The following MAP2 variants were observed in gnomAD, a reference collection of about 807,000 sequenced individuals.
MAP2 encodes the protein microtubule associated protein 2, also known as microtubule-associated protein 2.
MAP2 carries 14 observed loss-of-function variants against 137.6 expected under a neutral mutation model. That is an observed-to-expected ratio of 0.10 (90% CI 0.07 to 0.16). MAP2 has a LOEUF of 0.16. Ranked by LOEUF, MAP2 falls within the 10% of genes least tolerant of loss-of-function variation. MAP2 has a pLI of 1.00. For synonymous variants in MAP2, 786 were observed against 782.3 expected, an observed-to-expected ratio of 1.00 and a Z score of -0.08; for missense variants, 2,088 against 2,191.5, an observed-to-expected ratio of 0.95 and a Z score of 0.94.
At chr2:209,613,753 A>G (rs2087913586) in intron 3 of MAP2, among the ~76,000 whole-genome samples, 2 of 152,148 alleles carry the variant, frequency 1.3e-5, no homozygotes, top group African/African-American at 4.8e-5. Context: ...ACATAGCTCT[A>G]AAAAACATTC....
chr2:209,700,214 A>G, intron 10 of MAP2, 63 bp from the exon 11 acceptor site: 3 of 1,376,628 alleles, frequency 2.2e-6, no homozygotes, highest in East Asian at 2.3e-5. Context: ...ACAGGTATTT[A>G]AAACTGCATT....
At chr2:209,678,987 C>A (rs3738935) in intron 6 of MAP2, among the ~76,000 whole-genome samples, 31,882 of 151,872 alleles carry the variant, frequency 0.21, 5,149 homozygotes, top group African/African-American at 0.45. Flanking sequence ...AAGCCAATGC[C>A]TTATTTCATG....
intron 2 of MAP2, among the ~76,000 whole-genome samples, chr2:209,510,307 A>G (rs2061574539): frequency 6.6e-6 from 1 of 152,030 alleles, no homozygotes; most frequent in Non-Finnish European, 1.5e-5. Context: ...GCTCTGTGAT[A>G]TACTATCCTA....
intron 2 of MAP2, among the ~76,000 whole-genome samples, chr2:209,551,862 G>C (rs1407341480): frequency 6.6e-6 from 1 of 152,078 alleles, no homozygotes; most frequent in Non-Finnish European, 1.5e-5. Context: ...TTGTGAAGTA[G>C]GGACTTACTA....
At chr2:209,570,450 T>C (rs1030065940) in intron 2 of MAP2, among the ~76,000 whole-genome samples, 3 of 151,866 alleles carry the variant, frequency 2.0e-5, no homozygotes, top group Non-Finnish European at 4.4e-5. Flanking sequence ...GGCACATGAC[T>C]CTCAGAATTG....
At chr2:209,697,125 A>G in intron 10 of MAP2, 74 bp downstream of exon 10, 9 of 1,399,638 alleles carry the variant, frequency 6.4e-6, no homozygotes, top group East Asian at 2.4e-5. Context: ...TTACTGTAGC[A>G]GCTTCTTCAT....
chr2:209,441,064 A>G (rs1425157532), intron 1 of MAP2, among the ~76,000 whole-genome samples: 3 of 151,610 alleles, frequency 2.0e-5, no homozygotes, highest in Non-Finnish European at 4.4e-5. Flanking sequence ...GTCATGTATA[A>G]AAATGATGAT....
chr2:209,577,103 C>A (rs1312117396), intron 2 of MAP2, among the ~76,000 whole-genome samples: 1 of 151,920 alleles, frequency 6.6e-6, no homozygotes, highest in East Asian at 1.9e-4. Flanking sequence ...CAGAAGTGAA[C>A]AGAAGACAAT....
At chr2:209,564,568 A>C (rs1305239688) in intron 2 of MAP2, among the ~76,000 whole-genome samples, 3 of 150,904 alleles carry the variant, frequency 2.0e-5, no homozygotes, top group East Asian at 3.9e-4. Context: ...AAAAAAAAAA[A>C]AAAAAAAAAA....
intron 2 of MAP2, among the ~76,000 whole-genome samples, chr2:209,523,233 C>T (rs1041020520): frequency 2.6e-5 from 4 of 152,084 alleles, no homozygotes; most frequent in East Asian, 3.9e-4. Context: ...CATGGCATTT[C>T]GCTTTATTCT....
rs1254743416 is a variant in MAP2, at chr2:209,695,410, C to T, written c.3240C>T (p.Pro1080=). 1.9e-6 allele frequency: 3 copies of T among 1,613,020 alleles called. No individual in the cohort carries two copies. The African/African-American group carries it at 4.0e-5, about 22-fold the overall frequency. Residue 1080 remains proline, a synonymous_variant, in exon 8 of 16, where the codon CCC becomes CCT. Coordinates refer to ENST00000682079, the MANE Select transcript of MAP2 (RefSeq NM_001375505.1). ...TTGAGGCTACACAGGACATGACCCCCTCATCCAAAGCACCGCAGGAGGCAG... is the reference window on the plus strand; with the variant it reads ...TTGAGGCTACACAGGACATGACCCCTTCATCCAAAGCACCGCAGGAGGCAG... ...LKLEATQDMT[P]SSKAPQEADA... is the part of the protein sequence containing the mutation.
At chr2:209,587,646 A>G (rs1359748222) in intron 3 of MAP2, among the ~76,000 whole-genome samples, 1 of 152,150 alleles carries the variant, frequency 6.6e-6, no homozygotes, top group Non-Finnish European at 1.5e-5. Flanking sequence ...TTACCCTCAC[A>G]TCACTCATTG....
intron 1 of MAP2, among the ~76,000 whole-genome samples, chr2:209,447,070 A>G (rs1699245738): frequency 6.6e-6 from 1 of 151,952 alleles, no homozygotes; most frequent in Non-Finnish European, 1.5e-5. Context: ...TGGAGCTAAT[A>G]TATAAGTAGA....
At chr2:209,500,162 G>T (rs908147851) in intron 1 of MAP2, among the ~76,000 whole-genome samples, 2 of 152,018 alleles carry the variant, frequency 1.3e-5, no homozygotes, top group Non-Finnish European at 2.9e-5. Context: ...ACATAATATT[G>T]CCAGATTAAA....
At chr2:209,434,895 G>T (rs200489034) in intron 1 of MAP2, among the ~76,000 whole-genome samples, 2 of 126,058 alleles carry the variant, frequency 1.6e-5, no homozygotes, top group Admixed American at 7.9e-5. Flanking sequence ...TTATATATAT[G>T]TTATATATAT....
At chr2:209,701,007 A>AT (rs1325947325) in intron 11 of MAP2, among the ~76,000 whole-genome samples, 5 of 152,006 alleles carry the variant, frequency 3.3e-5, no homozygotes, top group African/African-American at 1.2e-4. Flanking sequence ...GACTTTTAGA[A>AT]TTTTTTGTTG....
At chr2:209,509,465 T>C (rs2061472507) in intron 2 of MAP2, among the ~76,000 whole-genome samples, 1 of 151,992 alleles carries the variant, frequency 6.6e-6, no homozygotes, top group Admixed American at 6.6e-5. Context: ...CACTTGGATA[T>C]GTGTGGTTTA....
intron 7 of MAP2, among the ~76,000 whole-genome samples, chr2:209,690,171 A>G (rs1583514568): frequency 1.3e-5 from 2 of 152,056 alleles, no homozygotes; most frequent in Non-Finnish European, 2.9e-5. Context: ...AAAACAGCAC[A>G]TGTCTAACAA....
chr2:209,512,764 C>T (rs1057318714), intron 2 of MAP2, among the ~76,000 whole-genome samples: 1 of 152,064 alleles, frequency 6.6e-6, no homozygotes, highest in African/African-American at 2.4e-5. Flanking sequence ...GCCTCAGCCT[C>T]CTGAGTAGCT....
Sources: gnomAD v4.1 joint callset for allele counts (sites outside exome capture counted in the v4.1 genomes callset) on GRCh38, gnomAD v4.1.1 for gene constraint, MANE v1.5 for transcripts, NCBI Gene and HGNC (gene_info 2026-07-23, HGNC 2026-07-21) for gene names.